Variants in NQO1 observed in about 807,000 individuals in gnomAD.
NQO1 encodes the protein NAD(P)H quinone dehydrogenase 1.
A neutral mutation model predicts 32.1 loss-of-function variants in NQO1; 30 were observed. That is an observed-to-expected ratio of 0.94 (90% confidence interval 0.70 to 1.27). The LOEUF (loss-of-function observed/expected upper bound fraction) is 1.27. NQO1 is among the 50% of genes most tolerant of loss of function. The probability of loss-of-function intolerance (pLI) is 0.00; values close to 1 mark genes in which losing one functional copy is unlikely to be tolerated. For missense variants in NQO1, 276 were observed against 331.3 expected (o/e 0.83, Z 1.30); for synonymous variants, 109 against 119.7 (o/e 0.91, Z 0.59).
intron 1 of NQO1, among the ~76,000 whole-genome samples, chr16:69,721,114 G>C (rs188180740): frequency 6.7e-6 from 1 of 149,354 alleles, no homozygotes; most frequent in Non-Finnish European, 1.5e-5. Context: ...GAGCCGTGTT[G>C]CCCAGGCTGG....
At position 69,710,331 on chromosome 16, in the gene NQO1, A is replaced by C. The variant is rs969202712; in HGVS notation, c.*645T>G. On this transcript the variant is annotated 3_prime_UTR_variant, in exon 6 of 6. Coordinates refer to ENST00000320623, the MANE Select transcript of NQO1 (RefSeq NM_000903.3). The stretch of plus-strand genomic sequence containing the variant: ...CTGGGTAACAGAGCAAGACTGCTTC[A>C]AAAAAAAATTTTTTTTAATTAAAAA... The C allele has an allele frequency of 6.6e-6, 1 of 151,698 alleles. No individual in the cohort carries two copies. Among genetic ancestry groups the C allele is most frequent in the African/African-American group, 2.4e-5 (1 of 41,242 alleles). 9.4% of individuals were successfully genotyped at this position (151,698 alleles called of 1,614,324 possible). A position where few individuals can be genotyped will look rare whatever the true frequency, so the allele number is the denominator to read the frequency against.
At chr16:69,725,469 C>CTAGGGTG (rs2038248637) in intron 1 of NQO1, among the ~76,000 whole-genome samples, 7 of 152,138 alleles carry the variant, frequency 4.6e-5, no homozygotes, top group Admixed American at 4.6e-4. Flanking sequence ...CTCTGAGTTC[C>CTAGGGTG]CCTAGGGTCG....
intron 1 of NQO1, among the ~76,000 whole-genome samples, chr16:69,723,584 T>C (rs190237675): frequency 3.3e-5 from 5 of 151,350 alleles, no homozygotes; most frequent in African/African-American, 1.2e-4. Context: ...GATCACCTCA[T>C]GTCAGGAGTT....
chr16:69,726,521 G>T lies in NQO1; in HGVS notation c.-82C>A. 1 of 1,573,668 alleles carries T rather than the reference G, an allele frequency of 6.4e-7. No homozygotes were observed. The highest frequency in any genetic ancestry group is 8.6e-7 in the Non-Finnish European group (1 of 1,164,824). On this transcript the variant is annotated 5_prime_UTR_variant, in exon 1 of 6. Coordinates refer to ENST00000320623, the MANE Select transcript of NQO1 (RefSeq NM_000903.3). Reference sequence around the variant, plus strand: ...CTGGCCGGAACTAGGCTCTCGGTGAGCTGGGCGGCTCCGGCTGCAACCTTG... The same window carrying T: ...CTGGCCGGAACTAGGCTCTCGGTGATCTGGGCGGCTCCGGCTGCAACCTTG...
At chr16:69,723,024 T>C (rs929467813) in intron 1 of NQO1, among the ~76,000 whole-genome samples, 1 of 152,156 alleles carries the variant, frequency 6.6e-6, no homozygotes, top group Admixed American at 6.6e-5. Context: ...GCCTCCCAGG[T>C]TCACGCCATT....
intron 3 of NQO1, among the ~76,000 whole-genome samples, chr16:69,716,320 C>T (rs2151744469): frequency 6.6e-6 from 1 of 151,748 alleles, no homozygotes; most frequent in South Asian, 2.1e-4. Flanking sequence ...CATGGGGAAA[C>T]CCTGTTTCTA....
intron 1 of NQO1, among the ~76,000 whole-genome samples, chr16:69,725,648 G>A (rs1030608281): frequency 6.6e-6 from 1 of 152,170 alleles, no homozygotes; most frequent in Non-Finnish European, 1.5e-5. Context: ...GCTGAGGTGG[G>A]TGGATCACCT....
chr16:69,718,446 C>G lies in NQO1; in HGVS notation c.96G>C (p.Lys32Asn), dbSNP rs202247099. ...MKEAAAAALK[K>N]KGWEVVESDL... ...CCGACTCCACCACCTCCCATCCTTT[C>G]TTCTTCAAAGCCGCTGCAGCAGCCT... Residue 32 changes from lysine to asparagine, a missense_variant, in exon 2 of 6, where the codon AAG (lysine) becomes AAC (asparagine). Coordinates refer to ENST00000320623, the MANE Select transcript of NQO1 (RefSeq NM_000903.3). 4.3e-5 allele frequency: 70 copies of G among 1,614,046 alleles called. No homozygotes were observed. The highest frequency in any genetic ancestry group is 1.3e-5 in the African/African-American group (1 of 74,932).
At chr16:69,712,513 G>A (rs1344054910) in intron 5 of NQO1, among the ~76,000 whole-genome samples, 1 of 152,206 alleles carries the variant, frequency 6.6e-6, no homozygotes, top group Non-Finnish European at 1.5e-5. Flanking sequence ...ACAGAATGCT[G>A]TTTGAACACA....
At chr16:69,717,595 ATTTC>A (rs1177784430) in intron 3 of NQO1, among the ~76,000 whole-genome samples, 4 of 150,734 alleles carry the variant, frequency 2.7e-5, no homozygotes, top group East Asian at 1.9e-4. Flanking sequence ...CTGCAGCTGC[ATTTC>A]TTTCTTTCTT....
At chr16:69,719,575 A>G (rs564721240) in intron 1 of NQO1, among the ~76,000 whole-genome samples, 1 of 152,084 alleles carries the variant, frequency 6.6e-6, no homozygotes, top group South Asian at 2.1e-4. Flanking sequence ...AGAGATCAAG[A>G]CCATCCTGGC....
intron 1 of NQO1, among the ~76,000 whole-genome samples, chr16:69,721,800 C>G (rs912789051): frequency 2.1e-5 from 3 of 146,114 alleles, no homozygotes; most frequent in African/African-American, 7.7e-5. Flanking sequence ...TTGAGACCAG[C>G]CTGGCTAACA....
Position 69,718,461 on chromosome 16 carries a change from T to G in NQO1, c.81A>C (p.Ala27=). 4 of 1,614,160 alleles carry G rather than the reference T, an allele frequency of 2.5e-6. No individual in the cohort carries two copies. The highest frequency in any genetic ancestry group is 3.4e-6 in the Non-Finnish European group (4 of 1,180,022). The part of the protein sequence containing the change: ...SFNYAMKEAA[A]AALKKKGWEV... ...CCCATCCTTTCTTCTTCAAAGCCGC[T>G]GCAGCAGCCTCCTTCATGGCATAGT... The change falls in exon 2 of 6, where the codon GCA becomes GCC. Residue 27 remains alanine, a synonymous_variant. Coordinates refer to ENST00000320623, the MANE Select transcript of NQO1 (RefSeq NM_000903.3).
At chr16:69,720,031 T>C (rs138729778) in intron 1 of NQO1, among the ~76,000 whole-genome samples, 103 of 152,248 alleles carry the variant, frequency 6.8e-4, no homozygotes, top group Non-Finnish European at 1.2e-3. Flanking sequence ...GGCGGGAACA[T>C]TGCTTGAGCC....
intron 4 of NQO1, 54 bp from the exon 5 acceptor site, chr16:69,713,183 A>T: frequency 7.5e-7 from 1 of 1,324,776 alleles, no homozygotes; most frequent in Non-Finnish European, 1.1e-6. Flanking sequence ...CCCCTTGGTG[A>T]CAAGAAGTTA....
chr16:69,711,819 A>C (rs1241965124), intron 5 of NQO1, among the ~76,000 whole-genome samples: 2 of 151,720 alleles, frequency 1.3e-5, no homozygotes, highest in Non-Finnish European at 2.9e-5. Context: ...ATGCCCAGAT[A>C]ATTTTTGTAT....
rs2151742834 is a variant in NQO1 at position 69,713,046 on chromosome 16, G to A, written c.501C>T (p.Val167=). The change falls in exon 5 of 6, where the codon GTC becomes GTT. Residue 167 remains valine, a synonymous_variant. Transcript: ENST00000320623. Reference sequence around the variant, plus strand: ...GAGGTACCTGAATTGGCCAGAGAATGACATTCATGTCCCCGTGGATCCCTT... The same window carrying A: ...GAGGTACCTGAATTGGCCAGAGAATAACATTCATGTCCCCGTGGATCCCTT... ...SLQGIHGDMN[V]ILWPIQSGIL... 1 of 1,613,696 alleles carries A rather than the reference G, an allele frequency of 6.2e-7. No homozygotes were observed. The highest frequency in any genetic ancestry group is 8.5e-7 in the Non-Finnish European group (1 of 1,179,712).
Position 69,715,018 on chromosome 16 carries a change from G to A in NQO1, c.363C>T (p.Phe121=), listed in dbSNP as rs780570088. 6.8e-6 allele frequency: 11 copies of A among 1,613,406 alleles called. No individual in the cohort carries two copies. The East Asian group carries it at 2.5e-4, about 36-fold the overall frequency. The change falls in exon 4 of 6, where the codon TTC becomes TTT. Residue 121 remains phenylalanine (F), a synonymous_variant. Coordinates refer to ENST00000320623, the MANE Select transcript of NQO1 (RefSeq NM_000903.3). The part of the protein sequence containing the change: ...AILKGWFERV[F]IGEFAYTYAA... ...CGTAAGTGTAAGCAAACTCTCCTAT[G>A]AACACTCGCTCAAACCAGCCTTTCA...
intron 1 of NQO1, 125 bp downstream of exon 1, chr16:69,726,308 A>G: frequency 1.5e-6 from 2 of 1,355,290 alleles, no homozygotes; most frequent in South Asian, 2.7e-5. Flanking sequence ...CCAGGTCCCT[A>G]ATCTCTTCCC....
Sources: gnomAD v4.1 joint callset for allele counts (sites outside exome capture counted in the v4.1 genomes callset) on GRCh38, gnomAD v4.1.1 for gene constraint, MANE v1.5 for transcripts, NCBI Gene and HGNC (gene_info 2026-07-23, HGNC 2026-07-21) for gene names.